The following TGFA variants were observed in gnomAD, a reference collection of about 807,000 sequenced individuals.
TGFA encodes the protein transforming growth factor alpha.
A neutral mutation model predicts 21.7 loss-of-function variants in TGFA; 12 were observed. That is an observed-to-expected ratio of 0.55 (90% CI 0.35 to 0.90). The LOEUF (loss-of-function observed/expected upper bound fraction) is 0.90. Among genes scored for constraint, TGFA ranks in the 40% least tolerant of loss-of-function variants. The pLI is 0.01. For missense variants in TGFA, 178 were observed against 210.8 expected, an observed-to-expected ratio of 0.84 and a Z score of 0.96; for synonymous variants, 79 against 88.1, an observed-to-expected ratio of 0.90 and a Z score of 0.58.
intron 2 of TGFA, among the ~76,000 whole-genome samples, chr2:70,505,239 C>T (rs1280607336): frequency 4.6e-5 from 7 of 152,088 alleles, no homozygotes; most frequent in Non-Finnish European, 8.8e-5. Context: ...TGGGGTCTCA[C>T]ACAATTTTGA....
chr2:70,545,118 T>C (rs1338799260), intron 1 of TGFA, among the ~76,000 whole-genome samples: 12 of 152,104 alleles, frequency 7.9e-5, no homozygotes, highest in Admixed American at 2.0e-4. Flanking sequence ...TATAAAAATA[T>C]CTCAGGTACC....
chr2:70,543,017 C>G (rs1338452095), intron 1 of TGFA, among the ~76,000 whole-genome samples: 1 of 151,626 alleles, frequency 6.6e-6, no homozygotes, highest in East Asian at 1.9e-4. Context: ...GCAGGAGAAT[C>G]GCTTGAACCC....
intron 3 of TGFA, among the ~76,000 whole-genome samples, chr2:70,463,933 C>T (rs530699027): frequency 9.2e-5 from 14 of 152,328 alleles, no homozygotes; most frequent in Middle Eastern, 6.8e-3. Context: ...TCATCATCAT[C>T]GTGCTTTGTA....
intron 2 of TGFA, among the ~76,000 whole-genome samples, chr2:70,497,305 G>A (rs1465047686): frequency 6.6e-6 from 1 of 152,186 alleles, no homozygotes; most frequent in Non-Finnish European, 1.5e-5. Flanking sequence ...TATTGGGTTT[G>A]CCATTTAAAC....
chr2:70,465,776 G>A (rs1670537930), intron 2 of TGFA, 40 bp from the exon 3 acceptor site: 1 of 1,610,290 alleles, frequency 6.2e-7, no homozygotes, highest in South Asian at 1.1e-5. Context: ...TCCAGGAACA[G>A]CTGACATGCA....
intron 2 of TGFA, among the ~76,000 whole-genome samples, chr2:70,471,028 G>A (rs563909535): frequency 2.6e-4 from 40 of 152,072 alleles, no homozygotes; most frequent in African/African-American, 8.9e-4. Flanking sequence ...TATGTAGAGA[G>A]AACCATGTAA....
At chr2:70,463,438 G>T (rs2103690788) in intron 3 of TGFA, among the ~76,000 whole-genome samples, 1 of 152,284 alleles carries the variant, frequency 6.6e-6, no homozygotes, top group East Asian at 1.9e-4. Flanking sequence ...TGGGAGAGCA[G>T]TCACCCACCC....
At chr2:70,540,153 T>G (rs1449039261) in intron 1 of TGFA, among the ~76,000 whole-genome samples, 1 of 152,204 alleles carries the variant, frequency 6.6e-6, no homozygotes, top group African/African-American at 2.4e-5. Context: ...AGAAACGTGG[T>G]AAGTAATCCT....
intron 2 of TGFA, among the ~76,000 whole-genome samples, chr2:70,494,519 A>G (rs1574102010): frequency 6.6e-6 from 1 of 152,204 alleles, no homozygotes; most frequent in East Asian, 1.9e-4. Flanking sequence ...ATAAATTTTT[A>G]GAAGTGTTAT....
At chr2:70,459,917 A>C (rs950673738) in intron 3 of TGFA, among the ~76,000 whole-genome samples, 50 of 152,182 alleles carry the variant, frequency 3.3e-4, no homozygotes, top group African/African-American at 1.2e-3. Context: ...TAACTGCCTC[A>C]TCATTGGGAC....
At chr2:70,515,056 G>A in intron 1 of TGFA, 144 bp from the exon 2 acceptor site, 3 of 671,638 alleles carry the variant, frequency 4.5e-6, no homozygotes, top group Admixed American at 5.6e-5. Flanking sequence ...TACATAATTT[G>A]TGGATATCAG....
At chr2:70,498,569 G>A (rs1553498648) in intron 2 of TGFA, among the ~76,000 whole-genome samples, 1 of 152,166 alleles carries the variant, frequency 6.6e-6, no homozygotes. Context: ...TAAGTGGAGG[G>A]GAGGGGAGGT....
At chr2:70,551,645 G>C (rs144098257) in intron 1 of TGFA, among the ~76,000 whole-genome samples, 3 of 152,186 alleles carry the variant, frequency 2.0e-5, no homozygotes, top group African/African-American at 7.2e-5. Context: ...TCACAGCTGT[G>C]ATTTTTCTTT....
chr2:70,487,847 A>G (rs1487002124), intron 2 of TGFA, among the ~76,000 whole-genome samples: 1 of 152,204 alleles, frequency 6.6e-6, no homozygotes. Flanking sequence ...TTCTGAGAGT[A>G]GAATTAGTGT....
chr2:70,473,962 T>G (rs1054887643), intron 2 of TGFA, among the ~76,000 whole-genome samples: 4 of 152,268 alleles, frequency 2.6e-5, no homozygotes, highest in Non-Finnish European at 4.4e-5. Flanking sequence ...CAACCCCAGA[T>G]TCACAATTTA....
chr2:70,505,855 A>G (rs1553500080), intron 2 of TGFA, among the ~76,000 whole-genome samples: 2 of 152,214 alleles, frequency 1.3e-5, no homozygotes, highest in African/African-American at 2.4e-5. Flanking sequence ...ATCACTTTCC[A>G]TTACACATTC....
intron 2 of TGFA, among the ~76,000 whole-genome samples, chr2:70,489,334 C>G (rs1671356769): frequency 6.6e-6 from 1 of 152,264 alleles, no homozygotes; most frequent in African/African-American, 2.4e-5. Flanking sequence ...CATTCTCTCC[C>G]TATTTCATTC....
At chr2:70,530,534 G>C (rs758704643) in intron 1 of TGFA, among the ~76,000 whole-genome samples, 29 of 152,346 alleles carry the variant, frequency 1.9e-4, no homozygotes, top group Non-Finnish European at 3.5e-4. Context: ...TTTTAAGAAA[G>C]TTTATGAATT....
chr2:70,544,846 T>C (rs1553505638), intron 1 of TGFA, among the ~76,000 whole-genome samples: 1 of 151,916 alleles, frequency 6.6e-6, no homozygotes, highest in Non-Finnish European at 1.5e-5. Flanking sequence ...GGAGACAGAG[T>C]CGAATGATGG....
Sources: gnomAD v4.1 joint callset for allele counts (sites outside exome capture counted in the v4.1 genomes callset) on GRCh38, gnomAD v4.1.1 for gene constraint, MANE v1.5 for transcripts, NCBI Gene and HGNC (gene_info 2026-07-23, HGNC 2026-07-21) for gene names.